The following STX1A variants were observed in gnomAD, a reference collection of about 807,000 sequenced individuals.
The protein encoded by STX1A is syntaxin 1A.
Under a neutral mutation model 37.8 loss-of-function variants are expected in STX1A, and 4 were observed. The observed-to-expected ratio is 0.11, with a 90% CI of 0.05 to 0.24. STX1A has a LOEUF of 0.24. Among genes scored for constraint, STX1A ranks in the 10% least tolerant of loss-of-function variants. STX1A has a pLI of 1.00. For synonymous variants in STX1A, 135 were observed against 147.4 expected, an observed-to-expected ratio of 0.92 and a Z score of 0.61; for missense variants, 251 against 399.9, an observed-to-expected ratio of 0.63 and a Z score of 3.18.
In STX1A at chr7:73,705,097, G is replaced by A; in HGVS notation, c.283+53C>T. ...CGAGCAAAACCCCATGGGCTCCGCA[G>A]AGGAAGCAGGCCTAGAATGCCCCCC... On this transcript the variant is annotated intron_variant, in intron 4 of 9. Coordinates refer to ENST00000222812, the MANE Select transcript of STX1A (RefSeq NM_004603.4). The surrounding 1 kb of genome is among the most constrained non-coding windows in gnomAD (Gnocchi z 5.2). The A allele has an allele frequency of 6.4e-7, 1 of 1,566,268 alleles. No individual in the cohort carries two copies. The highest frequency in any genetic ancestry group is 2.2e-5 in the East Asian group (1 of 44,624).
At position 73,705,378 on chromosome 7, in the gene STX1A, C is replaced by T. The variant is rs1359527292; in HGVS notation, c.209-154G>A. 3.1e-6 allele frequency: 2 copies of T among 642,884 alleles called. No homozygotes were observed. The highest frequency in any genetic ancestry group is 2.6e-5 in the Admixed American group (1 of 38,236). The allele number at this position is 642,884 out of a possible 1,614,324, so 39.8% of individuals were successfully genotyped here. ...GCTAAGGCTCTGCCTGCCCGCCCCC[C>T]TCCCCCAATTCTGGGCCAGGGCTGC... On this transcript the variant is annotated intron_variant, in intron 3 of 9. Coordinates refer to ENST00000222812, the MANE Select transcript of STX1A (RefSeq NM_004603.4). This position sits in a 1 kb window ranked among gnomAD's most constrained non-coding sequence, Gnocchi z 5.2.
rs1296876151 is a variant in STX1A, at chr7:73,699,416, T to A, written c.*991A>T. On this transcript the variant is annotated 3_prime_UTR_variant, in exon 10 of 10. Coordinates refer to ENST00000222812, the MANE Select transcript of STX1A (RefSeq NM_004603.4). Reference sequence around the variant, plus strand: ...CCTGCTGCATGCACTCGCATGCATCTCCCTGCCTGTCCACAAGGGAGAGGG... The same window carrying A: ...CCTGCTGCATGCACTCGCATGCATCACCCTGCCTGTCCACAAGGGAGAGGG... 2.0e-5 allele frequency: 3 copies of A among 152,538 alleles called. No homozygotes were observed. Among genetic ancestry groups the A allele is most frequent in the Non-Finnish European group, 2.9e-5 (2 of 68,022 alleles). 9.4% of individuals were successfully genotyped at this position (152,538 alleles called of 1,614,324 possible).
In STX1A at chr7:73,706,254, G is replaced by A. The variant is rs985422019; in HGVS notation, c.209-1030C>T. 1.9e-4 allele frequency among the ~76,000 whole-genome samples: 29 copies of A among 152,138 alleles called. No homozygotes were observed. The highest frequency in any genetic ancestry group is 7.0e-4 in the African/African-American group (29 of 41,420). On this transcript the variant is annotated intron_variant, in intron 3 of 9. Transcript: ENST00000222812. The surrounding 1 kb of genome is among the most constrained non-coding windows in gnomAD (Gnocchi z 4.6). ...CAAGTGGAATGCAGTGAGGTGGAGCGGGGAAGGGGGGGTTCCGAGGCGCGG... is the reference window on the plus strand; with the variant it reads ...CAAGTGGAATGCAGTGAGGTGGAGCAGGGAAGGGGGGGTTCCGAGGCGCGG...
In STX1A at chr7:73,707,373, G is replaced by A. The variant is rs992967258; in HGVS notation, c.208+1216C>T. ...CTGGAGCCCTGAGAATGCCCGCCCC[G>A]GGGTGCCACATGGCCAGGTGCCAGG... On this transcript the variant is annotated intron_variant, in intron 3 of 9. Coordinates refer to ENST00000222812, the MANE Select transcript of STX1A (RefSeq NM_004603.4). 2.4e-4 allele frequency among the ~76,000 whole-genome samples: 37 copies of A among 152,316 alleles called. 1 individual carries two copies. The highest frequency in any genetic ancestry group is 2.2e-3 in the Admixed American group (33 of 15,310).
intron 1 of STX1A, among the ~76,000 whole-genome samples, chr7:73,714,371 G>A (rs1255782454): frequency 6.6e-6 from 1 of 151,946 alleles, no homozygotes; most frequent in Non-Finnish European, 1.5e-5. Context: ...GTCTCCCAAA[G>A]TGCTAGGATT....
intron 1 of STX1A, among the ~76,000 whole-genome samples, chr7:73,714,775 T>TA (rs797025662): frequency 0.97 from 140,585 of 145,668 alleles, 67,888 homozygotes; most frequent in Middle Eastern, 1. Context: ...TTGGGGGGGT[T>TA]AAAAAAAAAA....
At chr7:73,703,970 CT>C in intron 6 of STX1A, 142 bp from the exon 7 acceptor site, 1 of 1,045,790 alleles carries the variant, frequency 9.6e-7, no homozygotes, top group African/African-American at 1.6e-5. Flanking sequence ...CCCCCCGGCC[CT>C]TAACACAGCA....
At position 73,700,999 on chromosome 7, in the gene STX1A, G is replaced by A; in HGVS notation, c.679-159C>T. ...CTCACCTGGGCCAGGTACCCTGGGT[G>A]GGGTGTAGAGGGCCAGGCAGGCTCC... On this transcript the variant is annotated intron_variant, in intron 8 of 9. Coordinates refer to ENST00000222812, the MANE Select transcript of STX1A (RefSeq NM_004603.4). The surrounding 1 kb of genome is among the most constrained non-coding windows in gnomAD (Gnocchi z 4.4). The A allele has an allele frequency of 7.1e-7, 1 of 1,408,844 alleles. No individual in the cohort carries two copies. The highest frequency in any genetic ancestry group is 9.5e-7 in the Non-Finnish European group (1 of 1,053,766). 87.3% of individuals were successfully genotyped at this position (1,408,844 alleles called of 1,614,324 possible).
rs1307603819 is a variant in STX1A, at chr7:73,700,123, A to C, written c.*284T>G. The C allele has an allele frequency of 4.0e-6, 2 of 503,356 alleles. No individual in the cohort carries two copies. The highest frequency in any genetic ancestry group is 7.2e-6 in the Non-Finnish European group (2 of 278,244). 31.2% of individuals were successfully genotyped at this position (503,356 alleles called of 1,614,324 possible). A position where few individuals can be genotyped will look rare whatever the true frequency, so the allele number is the denominator to read the frequency against. On this transcript the variant is annotated 3_prime_UTR_variant, in exon 10 of 10. Coordinates refer to ENST00000222812, the MANE Select transcript of STX1A (RefSeq NM_004603.4). This position sits in a 1 kb window ranked among gnomAD's most constrained non-coding sequence, Gnocchi z 4.4. ...AAGGCAAGGAAGGGTGGCCTGTGTC[A>C]CCCTGGCGGCCCTGCCTGGGTCTGC... is the stretch of plus-strand genomic sequence containing the variant.
At position 73,705,343 on chromosome 7, in the gene STX1A, T is replaced by C; in HGVS notation, c.209-119A>G. The C allele has an allele frequency of 1.2e-6, 1 of 837,762 alleles. No individual in the cohort carries two copies. Among genetic ancestry groups the C allele is most frequent in the Non-Finnish European group, 2.0e-6 (1 of 502,836 alleles). The allele number at this position is 837,762 out of a possible 1,614,324, so 51.9% of individuals were successfully genotyped here. A position where few individuals can be genotyped will look rare whatever the true frequency, so the allele number is the denominator to read the frequency against. ...CTCTGGGAAGATCCCTGTTCTCCCC[T>C]GTTCCCCTGGCTAAGGCTCTGCCTG... is the stretch of plus-strand genomic sequence containing the variant. On this transcript the variant is annotated intron_variant, in intron 3 of 9. Coordinates refer to ENST00000222812, the MANE Select transcript of STX1A (RefSeq NM_004603.4). This position sits in a 1 kb window ranked among gnomAD's most constrained non-coding sequence, Gnocchi z 5.2.
intron 1 of STX1A, among the ~76,000 whole-genome samples, chr7:73,718,043 C>A (rs1310372853): frequency 6.6e-6 from 1 of 152,164 alleles, no homozygotes; most frequent in African/African-American, 2.4e-5. Flanking sequence ...CCCACACACA[C>A]CCTCAGGTAA....
intron 4 of STX1A, chr7:73,704,752 G>A (rs1346996014): frequency 1.4e-5 from 7 of 513,900 alleles, no homozygotes; most frequent in South Asian, 1.3e-4. Flanking sequence ...CCACAGCGGG[G>A]AGAGCCAGGT....
Position 73,700,220 on chromosome 7 carries a change from C to T in STX1A, c.*187G>A, listed in dbSNP as rs1279603013. 3 of 636,900 alleles carry T rather than the reference C, an allele frequency of 4.7e-6. No individual in the cohort carries two copies. The highest frequency in any genetic ancestry group is 4.1e-4 in the Middle Eastern group (1 of 2,430). 39.5% of individuals were successfully genotyped at this position (636,900 alleles called of 1,614,324 possible). Reference sequence around the variant, plus strand: ...GCCTCTTCCCGTACAGACGCACACTCACAGAGATCATGCACACGACACGGG... The same window carrying T: ...GCCTCTTCCCGTACAGACGCACACTTACAGAGATCATGCACACGACACGGG... On this transcript the variant is annotated 3_prime_UTR_variant, in exon 10 of 10. Transcript: ENST00000222812. This position sits in a 1 kb window ranked among gnomAD's most constrained non-coding sequence, Gnocchi z 4.4.
At chr7:73,713,765 A>G (rs1044493484) in intron 1 of STX1A, among the ~76,000 whole-genome samples, 2 of 152,218 alleles carry the variant, frequency 1.3e-5, no homozygotes, top group East Asian at 3.8e-4. Flanking sequence ...TTTCTGTGGA[A>G]TAATTAGGGC....
Position 73,717,680 on chromosome 7 carries a change from G to C in STX1A, c.30+1922C>G, listed in dbSNP as rs1480749760. Reference sequence around the variant, plus strand: ...TCCCTGGGCTCTGAATGCCTTGTGTGGGGAGGGTGGGGGTGTCTGGAGCGG... The same window carrying C: ...TCCCTGGGCTCTGAATGCCTTGTGTCGGGAGGGTGGGGGTGTCTGGAGCGG... On this transcript the variant is annotated intron_variant, in intron 1 of 9. Transcript: ENST00000222812. This position sits in a 1 kb window ranked among gnomAD's most constrained non-coding sequence, Gnocchi z 4.1. 6.6e-6 allele frequency among the ~76,000 whole-genome samples: 1 copy of C among 152,182 alleles called. No homozygotes were observed. Among genetic ancestry groups the C allele is most frequent in the Non-Finnish European group, 1.5e-5 (1 of 68,012 alleles).
chr7:73,703,393 C>G (rs1208201893), intron 7 of STX1A: 1 of 578,940 alleles, frequency 1.7e-6, no homozygotes, highest in Admixed American at 2.2e-5. Flanking sequence ...AAGCCTGCCT[C>G]GAACACCTGT....
chr7:73,711,937 A>G (rs1799117022), intron 1 of STX1A, among the ~76,000 whole-genome samples: 1 of 151,940 alleles, frequency 6.6e-6, no homozygotes, highest in Admixed American at 6.6e-5. Context: ...GCCAGCTCTG[A>G]CCTGCTACCT....
intron 1 of STX1A, among the ~76,000 whole-genome samples, chr7:73,712,330 C>A (rs1465878042): frequency 6.6e-6 from 1 of 150,600 alleles, no homozygotes. Context: ...CACTCCCCCA[C>A]ACCTACAACT....
intron 6 of STX1A, 118 bp downstream of exon 6, chr7:73,704,029 CG>C: frequency 7.9e-7 from 1 of 1,262,360 alleles, no homozygotes; most frequent in Non-Finnish European, 1.1e-6. Flanking sequence ...GCAGCTGCCT[CG>C]GGCCACCCGC....
Sources: allele counts gnomAD v4.1 joint callset (sites outside exome capture counted in the v4.1 genomes callset), GRCh38; gene constraint gnomAD v4.1.1; non-coding constraint Gnocchi (gnomAD v3.1); transcripts MANE v1.5; gene names NCBI Gene and HGNC (gene_info 2026-07-23, HGNC 2026-07-21).